The following CLTC variants were observed in gnomAD, a reference collection of about 807,000 sequenced individuals.
CLTC encodes the protein clathrin heavy chain.
A neutral mutation model predicts 195.8 loss-of-function variants in CLTC; 16 were observed. The ratio of observed to expected loss-of-function variants is 0.08; its 90% CI spans 0.06 to 0.12. CLTC has a LOEUF of 0.12. CLTC is among the 10% of genes least tolerant of loss of function. The probability of loss-of-function intolerance (pLI) is 1.00; values close to 1 mark genes in which losing one functional copy is unlikely to be tolerated. For missense variants in CLTC, 796 were observed against 2,027.0 expected, an observed-to-expected ratio of 0.39 and a Z score of 11.66; for synonymous variants, 667 against 689.4, an observed-to-expected ratio of 0.97 and a Z score of 0.51.
At chr17:59,658,606 AAATC>A (rs2032533880) in intron 6 of CLTC, 1 of 152,244 alleles carries the variant, frequency 6.6e-6, no homozygotes, top group African/African-American at 2.4e-5. Context: ...TGAAAAAGCA[AAATC>A]AATTAAAGTG....
intron 1 of CLTC, among the ~76,000 whole-genome samples, chr17:59,643,908 T>C: frequency 6.6e-6 from 1 of 152,226 alleles, no homozygotes; most frequent in East Asian, 1.9e-4. Context: ...CGTGAACAAA[T>C]AACTGCTACA....
rs149456767 is a variant in CLTC at position 59,685,697 on chromosome 17, C to T, written c.4716C>T (p.Thr1572=). 3.0e-5 allele frequency: 49 copies of T among 1,613,902 alleles called. No homozygotes were observed. The highest frequency in any genetic ancestry group is 5.0e-5 in the Admixed American group (3 of 59,990). The change falls in exon 30 of 32, where the codon ACC becomes ACT. Residue 1572 remains threonine, a synonymous_variant. Transcript: ENST00000269122. The surrounding 1 kb of genome is among the most constrained non-coding windows in gnomAD (Gnocchi z 5.0). ...KRECFGACLF[T]CYDLLRPDVV... is the part of the protein sequence containing the mutation. ...AGTGCTTTGGAGCTTGTCTGTTTAC[C>T]TGTTACGATCTTTTAAGGCCAGATG...
chr17:59,661,721 G>T, intron 8 of CLTC, 78 bp downstream of exon 8: 1 of 1,185,324 alleles, frequency 8.4e-7, no homozygotes. Context: ...CATTTAGGCT[G>T]CACCACAATG....
Position 59,685,799 on chromosome 17 carries a change from C to T in CLTC, c.4818C>T (p.Tyr1606=), listed in dbSNP as rs1001897439. 6.2e-7 allele frequency: 1 copy of T among 1,612,932 alleles called. No homozygotes were observed. Among genetic ancestry groups the T allele is most frequent in the Non-Finnish European group, 8.5e-7 (1 of 1,179,220 alleles). ...MPYFIQVMKE[Y]LTKVDKLDAS... ...ATTTCATCCAGGTCATGAAGGAGTA[C>T]TTGACAAAGGTAATGACTCTTCTAA... The change falls in exon 30 of 32, where the codon TAC becomes TAT. Residue 1606 remains tyrosine, a synonymous_variant. Coordinates refer to ENST00000269122, the MANE Select transcript of CLTC (RefSeq NM_004859.4). This position sits in a 1 kb window ranked among gnomAD's most constrained non-coding sequence, Gnocchi z 5.0.
chr17:59,636,992 G>A (rs1050150622), intron 1 of CLTC, among the ~76,000 whole-genome samples: 3 of 146,878 alleles, frequency 2.0e-5, no homozygotes, highest in South Asian at 4.3e-4. Context: ...ATGTTGGCCA[G>A]GCTGGTCTTG....
intron 2 of CLTC, among the ~76,000 whole-genome samples, chr17:59,645,618 A>G (rs781641984): frequency 1.3e-5 from 2 of 152,346 alleles, no homozygotes; most frequent in South Asian, 2.1e-4. Flanking sequence ...TGACTAAGTT[A>G]TTAGAGGTGC....
intron 28 of CLTC, among the ~76,000 whole-genome samples, chr17:59,684,671 T>C (rs2033142588): frequency 6.6e-6 from 1 of 152,104 alleles, no homozygotes; most frequent in South Asian, 2.1e-4. Context: ...CCGGTTGTGG[T>C]GGCACGTGCC....
Position 59,668,852 on chromosome 17 carries a change from C to CT in CLTC, c.2206dup (p.Cys736LeufsTer14). On this transcript the variant is annotated frameshift_variant, in exon 14 of 32. Coordinates refer to ENST00000269122, the MANE Select transcript of CLTC (RefSeq NM_004859.4). LOFTEE classifies it high-confidence loss of function. ...GTGCACTTTAAATATATTCAGGCAG[C>CT]TTGCAAGACTGGGCAAATCAAAGAA... is the stretch of plus-strand genomic sequence containing the variant. The CT allele has an allele frequency of 6.2e-7, 1 of 1,613,624 alleles. No individual in the cohort carries two copies. Among genetic ancestry groups the CT allele is most frequent in the Non-Finnish European group, 8.5e-7 (1 of 1,179,808 alleles).
intron 6 of CLTC, among the ~76,000 whole-genome samples, chr17:59,657,932 C>T (rs1455344526): frequency 6.6e-6 from 1 of 151,376 alleles, no homozygotes; most frequent in East Asian, 1.9e-4. Flanking sequence ...GGCACAGTGT[C>T]TCACGCCTGT....
intron 1 of CLTC, among the ~76,000 whole-genome samples, chr17:59,643,122 T>C (rs2032085347): frequency 7.0e-6 from 1 of 143,686 alleles, no homozygotes; most frequent in Non-Finnish European, 1.5e-5. Context: ...CCATGCTTTT[T>C]CTTTTCTGGG....
chr17:59,636,287 C>G (rs184663354), intron 1 of CLTC, among the ~76,000 whole-genome samples: 3 of 152,280 alleles, frequency 2.0e-5, no homozygotes, highest in Admixed American at 2.0e-4. Flanking sequence ...CTGCTTTGCT[C>G]CCTCTCAAGT....
chr17:59,639,803 T>TAA (rs34219678), intron 1 of CLTC, among the ~76,000 whole-genome samples: 107 of 142,626 alleles, frequency 7.5e-4, no homozygotes, highest in South Asian at 1.1e-3. Flanking sequence ...ACCTGTCTCT[T>TAA]AAAAAAAAAA....
Position 59,620,006 on chromosome 17 carries a change from C to A in CLTC, c.-126C>A. 1.3e-6 allele frequency: 1 copy of A among 786,492 alleles called. No homozygotes were observed. Among genetic ancestry groups the A allele is most frequent in the Non-Finnish European group, 2.1e-6 (1 of 477,868 alleles). 48.7% of individuals were successfully genotyped at this position (786,492 alleles called of 1,614,324 possible). A position where few individuals can be genotyped will look rare whatever the true frequency, so the allele number is the denominator to read the frequency against. ...TCGTCTGCCTGCCAGTTTCCTGCGT[C>A]CCCGGAGAGGATCCTGCTGAGCCCA... is the stretch of plus-strand genomic sequence containing the variant. On this transcript the variant is annotated 5_prime_UTR_variant, in exon 1 of 32. Transcript: ENST00000269122.
At chr17:59,640,398 A>G (rs1263822777) in intron 1 of CLTC, among the ~76,000 whole-genome samples, 1 of 150,120 alleles carries the variant, frequency 6.7e-6, no homozygotes, top group Non-Finnish European at 1.5e-5. Context: ...GGTCACTTGA[A>G]GTTCTTTTTT....
Position 59,683,049 on chromosome 17 carries a change from T to A in CLTC, c.3873+35T>A. On this transcript the variant is annotated intron_variant, in intron 24 of 31. Coordinates refer to ENST00000269122, the MANE Select transcript of CLTC (RefSeq NM_004859.4). This position sits in a 1 kb window ranked among gnomAD's most constrained non-coding sequence, Gnocchi z 6.1. ...AGACTTTTATATGACCTGAGATCTTTTACCATAGATATTCTTATCTTTAAC... is the reference window on the plus strand; with the variant it reads ...AGACTTTTATATGACCTGAGATCTTATACCATAGATATTCTTATCTTTAAC... 1 of 1,613,910 alleles carries A rather than the reference T, an allele frequency of 6.2e-7. No homozygotes were observed. Among genetic ancestry groups the A allele is most frequent in the Non-Finnish European group, 8.5e-7 (1 of 1,179,862 alleles).
chr17:59,680,806 A>C lies in CLTC; in HGVS notation c.2920-106A>C, dbSNP rs907099068. 7 of 799,926 alleles carry C rather than the reference A, an allele frequency of 8.8e-6. No homozygotes were observed. The African/African-American group carries it at 1.2e-4, about 14-fold the overall frequency. The allele number at this position is 799,926 out of a possible 1,614,324, so 49.6% of individuals were successfully genotyped here. ...ATGTAAATTTAAAGGTCTTTTTCCT[A>C]CTTCATTCTTTTCTGCCTATTTCAA... On this transcript the variant is annotated intron_variant, in intron 18 of 31. Transcript: ENST00000269122.
chr17:59,676,925 T>C, intron 16 of CLTC, 29 bp from the exon 17 acceptor site: 2 of 1,453,872 alleles, frequency 1.4e-6, no homozygotes, highest in Non-Finnish European at 1.9e-6. Flanking sequence ...ACAGTATGTG[T>C]GTGTGAGGTT....
At chr17:59,691,691 CAAAT>C (rs1386130072) in intron 31 of CLTC, among the ~76,000 whole-genome samples, 2 of 148,834 alleles carry the variant, frequency 1.3e-5, no homozygotes, top group East Asian at 1.9e-4. Flanking sequence ...GCTACTGACA[CAAAT>C]AATAATATAT....
chr17:59,657,185 T>C (rs1367841904), intron 6 of CLTC, among the ~76,000 whole-genome samples: 2 of 152,166 alleles, frequency 1.3e-5, no homozygotes, highest in Non-Finnish European at 2.9e-5. Context: ...GAAGAGACAA[T>C]TCCTCTAGGG....
Sources: gnomAD v4.1 joint callset for allele counts (sites outside exome capture counted in the v4.1 genomes callset) on GRCh38, gnomAD v4.1.1 for gene constraint, Gnocchi (gnomAD v3.1) non-coding constraint, MANE v1.5 for transcripts, NCBI Gene and HGNC (gene_info 2026-07-23, HGNC 2026-07-21) for gene names.